The following WDFY2 variants were observed in gnomAD, a reference collection of about 807,000 sequenced individuals.
WDFY2 encodes WD repeat and FYVE domain-containing protein 2.
A neutral mutation model predicts 56.4 loss-of-function variants in WDFY2; 36 were observed. The observed-to-expected ratio is 0.64, with a 90% CI of 0.49 to 0.84. The LOEUF (loss-of-function observed/expected upper bound fraction) is 0.84, where lower values mean the gene tolerates loss of function less well. Among genes scored for constraint, WDFY2 ranks in the 40% least tolerant of loss-of-function variants. The pLI, the probability that WDFY2 is intolerant of heterozygous loss-of-function variation, is 0.00. For missense variants in WDFY2, 444 were observed against 512.2 expected (o/e 0.87, Z 1.29); for synonymous variants, 176 against 183.7 (o/e 0.96, Z 0.34).
rs1490919618 is a variant in WDFY2, at chr13:51,651,595, C to T, written c.138-9001C>T. 2.6e-5 allele frequency among the ~76,000 whole-genome samples: 4 copies of T among 152,256 alleles called. No individual in the cohort carries two copies. In the South Asian group the frequency reaches 6.2e-4, roughly 24 times the overall value. On this transcript the variant is annotated intron_variant, in intron 1 of 11. Coordinates refer to ENST00000298125, the MANE Select transcript of WDFY2 (RefSeq NM_052950.4). ...TCTACACACTGCTTTGAATGTGTCC[C>T]AGAGATTCTGGTATGTTGTGTCTTT...
At chr13:51,709,477 A>G (rs1952160906) in intron 4 of WDFY2, among the ~76,000 whole-genome samples, 1 of 152,128 alleles carries the variant, frequency 6.6e-6, no homozygotes, top group Admixed American at 6.5e-5. Context: ...TGCTGTTTCT[A>G]TTTAAAAAAT....
At chr13:51,714,020 T>G (rs975919348) in intron 4 of WDFY2, among the ~76,000 whole-genome samples, 1 of 151,952 alleles carries the variant, frequency 6.6e-6, no homozygotes, top group Admixed American at 6.6e-5. Context: ...GTGAGAAAGT[T>G]CTAGAGAGTG....
At position 51,632,538 on chromosome 13, in the gene WDFY2, G is replaced by A. The variant is rs60221537; in HGVS notation, c.138-28058G>A. 8.5e-5 allele frequency among the ~76,000 whole-genome samples: 13 copies of A among 152,076 alleles called. No individual in the cohort carries two copies. The East Asian group carries it at 1.4e-3, about 16-fold the overall frequency. ...CGTGGAGCAGGTCTTTCAGGTTCCC[G>A]TTTGGTTTTATGCAGGAGCCAGTCT... On this transcript the variant is annotated intron_variant, in intron 1 of 11. Transcript: ENST00000298125.
intron 1 of WDFY2, among the ~76,000 whole-genome samples, chr13:51,617,796 A>G (rs933121593): frequency 2.6e-5 from 4 of 152,218 alleles, no homozygotes; most frequent in African/African-American, 9.7e-5. Context: ...TTTATTTGAG[A>G]TGCGGGCTAA....
intron 6 of WDFY2, among the ~76,000 whole-genome samples, chr13:51,730,241 G>C (rs1240405005): frequency 6.6e-6 from 1 of 152,160 alleles, no homozygotes; most frequent in Non-Finnish European, 1.5e-5. Flanking sequence ...AATCTGGTTT[G>C]TCGTTATTAC....
intron 3 of WDFY2, among the ~76,000 whole-genome samples, chr13:51,697,333 G>A (rs533376055): frequency 1.4e-4 from 21 of 152,194 alleles, no homozygotes; most frequent in African/African-American, 4.6e-4. Flanking sequence ...AAACATTGGT[G>A]TCTTAGAAAT....
chr13:51,612,728 CCATATA>C (rs1954527249), intron 1 of WDFY2, among the ~76,000 whole-genome samples: 1 of 152,160 alleles, frequency 6.6e-6, no homozygotes, highest in Non-Finnish European at 1.5e-5. Context: ...TTATGGTTGA[CCATATA>C]CATTATGTTC....
chr13:51,744,074 C>T (rs1953037711), intron 7 of WDFY2, among the ~76,000 whole-genome samples: 1 of 152,198 alleles, frequency 6.6e-6, no homozygotes, highest in African/African-American at 2.4e-5. Context: ...ATCCCTTTTA[C>T]GGTGCTTTGG....
chr13:51,654,954 A>G (rs1955481354), intron 1 of WDFY2, among the ~76,000 whole-genome samples: 1 of 152,194 alleles, frequency 6.6e-6, no homozygotes, highest in Non-Finnish European at 1.5e-5. Flanking sequence ...AGGGTATTGT[A>G]AAGATTAAAT....
chr13:51,650,990 C>T (rs1304227119), intron 1 of WDFY2, among the ~76,000 whole-genome samples: 2 of 152,144 alleles, frequency 1.3e-5, no homozygotes, highest in Non-Finnish European at 1.5e-5. Flanking sequence ...GAAGGAATGG[C>T]ACCAGCTCCT....
chr13:51,638,877 A>T (rs1036804708), intron 1 of WDFY2, among the ~76,000 whole-genome samples: 1 of 152,238 alleles, frequency 6.6e-6, no homozygotes, highest in African/African-American at 2.4e-5. Flanking sequence ...CAAGCTCAAG[A>T]TTCTTTGGAA....
chr13:51,662,044 C>T (rs1955624447), intron 2 of WDFY2, among the ~76,000 whole-genome samples: 1 of 152,046 alleles, frequency 6.6e-6, no homozygotes, highest in South Asian at 2.1e-4. Context: ...AATCTTGGCT[C>T]ACTGCAACCT....
rs544479455 is a variant in WDFY2 at position 51,662,846 on chromosome 13, G to T, written c.205+2183G>T. Among the ~76,000 whole-genome samples, 98 of 152,290 alleles carry T rather than the reference G, an allele frequency of 6.4e-4. 1 individual carries two copies. The highest frequency in any genetic ancestry group is 2.3e-3 in the African/African-American group (95 of 41,556). ...GACCTTGTGATTATTTGTATACTTT[G>T]CCTTCGGTGTTCTACTAAATAGAGT... On this transcript the variant is annotated intron_variant, in intron 2 of 11. Coordinates refer to ENST00000298125, the MANE Select transcript of WDFY2 (RefSeq NM_052950.4).
At chr13:51,724,898 C>T (rs1433035309) in intron 5 of WDFY2, among the ~76,000 whole-genome samples, 1 of 152,222 alleles carries the variant, frequency 6.6e-6, no homozygotes, top group African/African-American at 2.4e-5. Flanking sequence ...AATAAGCCCA[C>T]TTAGCCTTCA....
chr13:51,688,216 T>C (rs1054248490), intron 3 of WDFY2, among the ~76,000 whole-genome samples: 5 of 152,170 alleles, frequency 3.3e-5, no homozygotes, highest in African/African-American at 1.2e-4. Flanking sequence ...CTTCCAGGTG[T>C]CAGACTTGGG....
At chr13:51,621,082 A>T (rs1415756100) in intron 1 of WDFY2, among the ~76,000 whole-genome samples, 1 of 152,238 alleles carries the variant, frequency 6.6e-6, no homozygotes, top group Non-Finnish European at 1.5e-5. Flanking sequence ...AGCCTGAGGT[A>T]AACTTTCTGT....
intron 1 of WDFY2, among the ~76,000 whole-genome samples, chr13:51,651,103 G>C (rs987384170): frequency 7.2e-5 from 11 of 152,140 alleles, no homozygotes; most frequent in Non-Finnish European, 1.2e-4. Flanking sequence ...CCTCTTATTG[G>C]TCTATTCAGA....
chr13:51,623,417 T>C (rs1593892955), intron 1 of WDFY2, among the ~76,000 whole-genome samples: 2 of 152,176 alleles, frequency 1.3e-5, no homozygotes, highest in South Asian at 4.1e-4. Flanking sequence ...ACTTTCCTCA[T>C]GTATAAAATG....
chr13:51,638,496 T>C (rs1469037743), intron 1 of WDFY2, among the ~76,000 whole-genome samples: 4 of 152,196 alleles, frequency 2.6e-5, no homozygotes, highest in Admixed American at 6.5e-5. Context: ...TTCTTAAAAC[T>C]CTTAGATGGA....
Sources: allele counts gnomAD v4.1 joint callset (sites outside exome capture counted in the v4.1 genomes callset), GRCh38; gene constraint gnomAD v4.1.1; transcripts MANE v1.5; gene names NCBI Gene and HGNC (gene_info 2026-07-23, HGNC 2026-07-21).